Variants in SLC7A14 observed in about 807,000 individuals in gnomAD.
SLC7A14 encodes the protein solute carrier family 7 member 14.
Under a neutral mutation model 60.2 loss-of-function variants are expected in SLC7A14, and 37 were observed. The observed-to-expected ratio is 0.61, with a 90% CI of 0.47 to 0.81. SLC7A14 has a LOEUF of 0.81. SLC7A14 is among the 30% of genes least tolerant of loss of function. SLC7A14 has a pLI of 0.00. For missense variants in SLC7A14, 886 were observed against 982.7 expected (o/e 0.90, Z 1.32); for synonymous variants, 399 against 395.8 (o/e 1.01, Z -0.10).
chr3:170,485,859 G>A (rs1475635747), intron 5 of SLC7A14, among the ~76,000 whole-genome samples: 8 of 152,194 alleles, frequency 5.3e-5, no homozygotes, highest in Non-Finnish European at 1.2e-4. Context: ...TGAGGAAAGT[G>A]CACAGAGGCC....
Position 170,480,799 on chromosome 3 carries a change from G to T in SLC7A14, c.1483C>A (p.Leu495Ile). The part of the protein sequence containing the change: ...NLPSLGDNEM[L>I]IGKSDKSTYN... ...GTTGACTTGTCTGATTTCCCTATGA[G>T]CATCTCATTGTCTCCCAAGGATGGT... The change falls in exon 7 of 8, where the codon CTC (leucine) becomes ATC (isoleucine). Residue 495 changes from leucine to isoleucine, a missense_variant. Coordinates refer to ENST00000231706, the MANE Select transcript of SLC7A14 (RefSeq NM_020949.3). 1 of 1,614,178 alleles carries T rather than the reference G, an allele frequency of 6.2e-7. No individual in the cohort carries two copies. Among genetic ancestry groups the T allele is most frequent in the African/African-American group, 1.3e-5 (1 of 75,050 alleles).
At chr3:170,506,823 A>G (rs1712794569) in intron 2 of SLC7A14, among the ~76,000 whole-genome samples, 2 of 152,172 alleles carry the variant, frequency 1.3e-5, no homozygotes, top group Non-Finnish European at 2.9e-5. Flanking sequence ...AAGGAGAAAG[A>G]CCCAGCTGGG....
In SLC7A14 at chr3:170,467,387, G is replaced by A. The variant is rs1333832947; in HGVS notation, c.1994-10C>T. On this transcript the variant is annotated splice_polypyrimidine_tract_variant and intron_variant, in intron 7 of 7. Transcript: ENST00000231706. ...AAATAAATGAGCAGACCTGTGGGGC[G>A]AGGGGAAAGGTACAGGTGAATAAGC... 8.3e-6 allele frequency: 13 copies of A among 1,558,884 alleles called. No individual in the cohort carries two copies. The highest frequency in any genetic ancestry group is 4.1e-5 in the African/African-American group (3 of 73,220).
At chr3:170,490,717 T>A (rs1712188646) in intron 4 of SLC7A14, among the ~76,000 whole-genome samples, 2 of 152,222 alleles carry the variant, frequency 1.3e-5, no homozygotes, top group Non-Finnish European at 2.9e-5. Flanking sequence ...TTGTAGACTG[T>A]CAGGCCCAGG....
At chr3:170,503,130 GTTAT>G (rs1371016183) in intron 2 of SLC7A14, 6 of 152,184 alleles carry the variant, frequency 3.9e-5, no homozygotes, top group African/African-American at 1.4e-4. Flanking sequence ...GGCCCAGTCT[GTTAT>G]TTATTTTGAG....
At chr3:170,516,179 A>C (rs1032347073) in intron 2 of SLC7A14, among the ~76,000 whole-genome samples, 3 of 152,208 alleles carry the variant, frequency 2.0e-5, no homozygotes, top group African/African-American at 7.2e-5. Context: ...GTTAACTGAC[A>C]TCCTTCCTAC....
At chr3:170,531,290 G>A (rs942315280) in intron 1 of SLC7A14, among the ~76,000 whole-genome samples, 124 of 151,888 alleles carry the variant, frequency 8.2e-4, no homozygotes, top group African/African-American at 2.7e-3. Flanking sequence ...AGCTCTCCTC[G>A]GCAGGCAATG....
intron 1 of SLC7A14, among the ~76,000 whole-genome samples, chr3:170,529,141 C>T (rs1001998698): frequency 1.6e-4 from 25 of 152,298 alleles, no homozygotes; most frequent in Non-Finnish European, 3.5e-4. Flanking sequence ...AAAAGTCAGA[C>T]AATATAAACA....
intron 1 of SLC7A14, among the ~76,000 whole-genome samples, chr3:170,567,203 C>T (rs1714818595): frequency 6.9e-6 from 1 of 144,154 alleles, no homozygotes; most frequent in Admixed American, 7.3e-5. Context: ...GTTCCCCTTC[C>T]TGTGTCCATG....
chr3:170,571,101 T>C (rs561197422), intron 1 of SLC7A14, among the ~76,000 whole-genome samples: 45 of 152,204 alleles, frequency 3.0e-4, no homozygotes, highest in Non-Finnish European at 5.7e-4. Context: ...CTAAACAAAA[T>C]GGCCTTTCAA....
intron 1 of SLC7A14, among the ~76,000 whole-genome samples, chr3:170,540,467 T>C (rs1713989571): frequency 6.6e-6 from 1 of 152,092 alleles, no homozygotes; most frequent in South Asian, 2.1e-4. Flanking sequence ...TTTTTTTTTT[T>C]TCATCTGGCA....
chr3:170,531,472 G>A (rs902142917), intron 1 of SLC7A14, among the ~76,000 whole-genome samples: 2 of 152,054 alleles, frequency 1.3e-5, no homozygotes, highest in African/African-American at 4.8e-5. Flanking sequence ...AAAATGTGGA[G>A]AATCAACCAA....
chr3:170,473,338 T>C (rs1045631293), intron 7 of SLC7A14, among the ~76,000 whole-genome samples: 3 of 152,162 alleles, frequency 2.0e-5, no homozygotes, highest in African/African-American at 7.2e-5. Context: ...AATAACAGCA[T>C]ATTTCCAACT....
chr3:170,549,412 A>G (rs1714274976), intron 1 of SLC7A14, among the ~76,000 whole-genome samples: 1 of 151,916 alleles, frequency 6.6e-6, no homozygotes, highest in Non-Finnish European at 1.5e-5. Context: ...ACAGGGTTTC[A>G]CCATGTTGGC....
intron 2 of SLC7A14, among the ~76,000 whole-genome samples, chr3:170,511,266 G>A: frequency 6.6e-6 from 1 of 152,038 alleles, no homozygotes; most frequent in African/African-American, 2.4e-5. Flanking sequence ...GTGTGGTGGT[G>A]CATGCCTGTA....
chr3:170,481,389 CTTTTTT>C (rs61203487), intron 6 of SLC7A14, among the ~76,000 whole-genome samples: 2 of 117,096 alleles, frequency 1.7e-5, no homozygotes. Context: ...TCTTTGATTT[CTTTTTT>C]TTTTTTTTTT....
At chr3:170,469,359 T>C (rs867382407) in intron 7 of SLC7A14, among the ~76,000 whole-genome samples, 1 of 152,160 alleles carries the variant, frequency 6.6e-6, no homozygotes, top group Non-Finnish European at 1.5e-5. Context: ...AAATCAACTT[T>C]CCAGGAGCCA....
intron 1 of SLC7A14, among the ~76,000 whole-genome samples, chr3:170,549,633 A>T (rs1714284337): frequency 6.6e-6 from 1 of 152,170 alleles, no homozygotes; most frequent in Non-Finnish European, 1.5e-5. Flanking sequence ...TGACCGCAGA[A>T]ATTAAAAATG....
intron 1 of SLC7A14, among the ~76,000 whole-genome samples, chr3:170,560,031 G>A (rs1418933612): frequency 1.3e-5 from 2 of 152,212 alleles, no homozygotes; most frequent in Admixed American, 6.5e-5. Flanking sequence ...TAAGAAATGA[G>A]TGACTTCAAG....
Sources: gnomAD v4.1 joint callset for allele counts (sites outside exome capture counted in the v4.1 genomes callset) on GRCh38, gnomAD v4.1.1 for gene constraint, MANE v1.5 for transcripts, NCBI Gene and HGNC (gene_info 2026-07-23, HGNC 2026-07-21) for gene names.